RSU1: variants seen among roughly 807,000 people sequenced by gnomAD.
RSU1 encodes the protein Ras suppressor protein 1.
Under a neutral mutation model 31.1 loss-of-function variants are expected in RSU1, and 26 were observed. That is an observed-to-expected ratio of 0.84 (90% CI 0.61 to 1.16). RSU1 has a LOEUF of 1.16. RSU1 is among the 50% of genes most tolerant of loss of function. RSU1 has a pLI of 0.00. For missense variants in RSU1, 320 were observed against 339.1 expected (o/e 0.94, Z 0.44); for synonymous variants, 164 against 136.3 (o/e 1.20, Z -1.41).
At chr10:16,703,291 T>C (rs553221659) in intron 7 of RSU1, among the ~76,000 whole-genome samples, 35 of 152,260 alleles carry the variant, frequency 2.3e-4, no homozygotes, top group Admixed American at 5.2e-4. Flanking sequence ...TACAGCAGCG[T>C]TGGTTGTGTT....
chr10:16,668,729 T>C (rs891279929), intron 8 of RSU1, among the ~76,000 whole-genome samples: 5 of 152,116 alleles, frequency 3.3e-5, no homozygotes, highest in Non-Finnish European at 7.4e-5. Flanking sequence ...ATCTCCCTCA[T>C]TATTAACTTT....
chr10:16,654,361 C>CAAAAAAAAA lies in RSU1; in HGVS notation c.731+40653_731+40661dup, dbSNP rs536600415. Among the ~76,000 whole-genome samples, 149 of 92,202 alleles carry CAAAAAAAAA rather than the reference C, an allele frequency of 1.6e-3. 1 individual carries two copies. Among genetic ancestry groups the CAAAAAAAAA allele is most frequent in the Non-Finnish European group, 2.0e-3 (86 of 44,002 alleles). The allele number at this position is 92,202 out of a possible 152,430, so 60.5% of individuals were successfully genotyped here. A position where few individuals can be genotyped will look rare whatever the true frequency, so the allele number is the denominator to read the frequency against. On this transcript the variant is annotated intron_variant, in intron 8 of 8. Coordinates refer to ENST00000345264, the MANE Select transcript of RSU1 (RefSeq NM_012425.4). ...GGTTTGTTGCCTACACCTAAATTTG[C>CAAAAAAAAA]AAAAAAAAAAAAAAAAAAAGGAAAT...
At chr10:16,703,116 C>A (rs1181152022) in intron 7 of RSU1, among the ~76,000 whole-genome samples, 3 of 152,190 alleles carry the variant, frequency 2.0e-5, no homozygotes, top group African/African-American at 7.2e-5. Flanking sequence ...TCCCCCTTTG[C>A]CTTCTGCCAT....
At chr10:16,662,984 A>AC (rs1279816984) in intron 8 of RSU1, among the ~76,000 whole-genome samples, 1 of 151,728 alleles carries the variant, frequency 6.6e-6, no homozygotes, top group African/African-American at 2.4e-5. Flanking sequence ...TAAAAAAAAA[A>AC]AAAAACCCTC....
intron 3 of RSU1, among the ~76,000 whole-genome samples, chr10:16,776,493 A>T (rs1176457412): frequency 7.0e-6 from 1 of 143,462 alleles, no homozygotes; most frequent in African/African-American, 2.7e-5. Flanking sequence ...GTGTATATTA[A>T]AAAAAAAAAA....
chr10:16,631,264 C>T (rs754545896), intron 8 of RSU1, among the ~76,000 whole-genome samples: 3 of 152,138 alleles, frequency 2.0e-5, no homozygotes, highest in Admixed American at 6.5e-5. Flanking sequence ...GGGACGGTTC[C>T]GAGCGTGTCT....
In RSU1 at chr10:16,645,785, C is replaced by T. The variant is rs1028964863; in HGVS notation, c.731+49238G>A. On this transcript the variant is annotated intron_variant, in intron 8 of 8. Coordinates refer to ENST00000345264, the MANE Select transcript of RSU1 (RefSeq NM_012425.4). ...TCACGCCACTGCACTCCAGCCTGGA[C>T]GACAGAGCGAGACTCTGTCACAAAA... 7.4e-5 allele frequency among the ~76,000 whole-genome samples: 11 copies of T among 148,626 alleles called. 1 individual carries two copies. Among genetic ancestry groups the T allele is most frequent in the South Asian group, 4.3e-4 (2 of 4,654 alleles).
Position 16,766,319 on chromosome 10 carries a change from C to A in RSU1, c.161-1809G>T, listed in dbSNP as rs368585141. On this transcript the variant is annotated intron_variant, in intron 3 of 8. Coordinates refer to ENST00000345264, the MANE Select transcript of RSU1 (RefSeq NM_012425.4). ...CCTGCAGGAATGCAAATGAACCCTA[C>A]CTGTACAGTGTGGCTGCAAATGTAC... 1.8e-4 allele frequency among the ~76,000 whole-genome samples: 28 copies of A among 152,352 alleles called. No individual in the cohort carries two copies. In the East Asian group the frequency reaches 2.3e-3, roughly 13 times the overall value.
chr10:16,628,463 C>T (rs973060976), intron 8 of RSU1, among the ~76,000 whole-genome samples: 1 of 150,946 alleles, frequency 6.6e-6, no homozygotes, highest in Non-Finnish European at 1.5e-5. Context: ...ATCTTAAAAA[C>T]ATCACTGACC....
chr10:16,667,634 T>C (rs1200577869), intron 8 of RSU1, among the ~76,000 whole-genome samples: 2 of 152,054 alleles, frequency 1.3e-5, no homozygotes, highest in African/African-American at 4.8e-5. Context: ...ATTACAGGCG[T>C]GCACCACCAC....
intron 8 of RSU1, among the ~76,000 whole-genome samples, chr10:16,652,421 T>C (rs1373700067): frequency 6.6e-5 from 8 of 121,486 alleles, no homozygotes; most frequent in Admixed American, 8.7e-5. Context: ...AACCCGAGAA[T>C]CTGGAGAAAT....
chr10:16,625,395 A>G (rs1834137947), intron 8 of RSU1, among the ~76,000 whole-genome samples: 1 of 152,180 alleles, frequency 6.6e-6, no homozygotes, highest in Non-Finnish European at 1.5e-5. Context: ...TTAAACTAGA[A>G]AAGATCTCAA....
rs1029166998 is a variant in RSU1, at chr10:16,721,869, G to A, written c.599-26714C>T. On this transcript the variant is annotated intron_variant, in intron 7 of 8. Transcript: ENST00000345264. ...CCTCATCTAAAAATAAGGATTATAA[G>A]TGCTTACCTTACTAAGGGATTAAAA... is the stretch of plus-strand genomic sequence containing the variant. 3.3e-5 allele frequency: 5 copies of A among 152,070 alleles called. No homozygotes were observed. The East Asian group carries it at 7.7e-4, about 23-fold the overall frequency. 9.4% of individuals were successfully genotyped at this position (152,070 alleles called of 1,614,324 possible).
intron 8 of RSU1, among the ~76,000 whole-genome samples, chr10:16,625,681 CCTTA>C (rs773312282): frequency 3.9e-5 from 6 of 152,140 alleles, no homozygotes; most frequent in Non-Finnish European, 7.3e-5. Context: ...TATTTGCTCA[CCTTA>C]CTTATCAGGT....
chr10:16,735,870 G>C (rs953343808), intron 7 of RSU1, among the ~76,000 whole-genome samples: 4 of 152,130 alleles, frequency 2.6e-5, no homozygotes, highest in Non-Finnish European at 5.9e-5. Flanking sequence ...TACAATTCAA[G>C]ATGAGATTTG....
In RSU1 at chr10:16,801,735, G is replaced by A. The variant is rs183770520; in HGVS notation, c.109+15238C>T. Among the ~76,000 whole-genome samples the A allele has an allele frequency of 3.3e-5, 5 of 152,084 alleles. No homozygotes were observed. In the East Asian group the frequency reaches 9.7e-4, roughly 29 times the overall value. ...TAAACTAGAAATCAAACGAAAGATA[G>A]CTGAAAAATCCCAAAACATCTGGAC... is the stretch of plus-strand genomic sequence containing the variant. On this transcript the variant is annotated intron_variant, in intron 2 of 8. Coordinates refer to ENST00000345264, the MANE Select transcript of RSU1 (RefSeq NM_012425.4).
At chr10:16,647,370 C>A (rs901114003) in intron 8 of RSU1, among the ~76,000 whole-genome samples, 1 of 152,184 alleles carries the variant, frequency 6.6e-6, no homozygotes, top group African/African-American at 2.4e-5. Flanking sequence ...AACATAGTTA[C>A]CATTTGACCC....
intron 8 of RSU1, among the ~76,000 whole-genome samples, chr10:16,686,507 T>C (rs546877150): frequency 4.0e-4 from 61 of 152,236 alleles, no homozygotes; most frequent in Non-Finnish European, 7.8e-4. Context: ...GAATGTAACC[T>C]GACACATTAT....
intron 8 of RSU1, among the ~76,000 whole-genome samples, chr10:16,685,503 G>A (rs1298717155): frequency 3.9e-5 from 6 of 152,136 alleles, no homozygotes; most frequent in Non-Finnish European, 8.8e-5. Flanking sequence ...CTAAACAAGC[G>A]GTGGATTATT....
Sources: allele counts gnomAD v4.1 joint callset (sites outside exome capture counted in the v4.1 genomes callset), GRCh38; gene constraint gnomAD v4.1.1; transcripts MANE v1.5; gene names NCBI Gene and HGNC (gene_info 2026-07-23, HGNC 2026-07-21).